SLC25A18: variants seen among roughly 807,000 people sequenced by gnomAD.
SLC25A18 encodes the protein solute carrier family 25 member 18.
Under a neutral mutation model 31.1 loss-of-function variants are expected in SLC25A18, and 24 were observed. The ratio of observed to expected loss-of-function variants is 0.77; its 90% CI spans 0.56 to 1.08. The LOEUF (loss-of-function observed/expected upper bound fraction) is 1.08. Among genes scored for constraint, SLC25A18 ranks in the 50% least tolerant of loss-of-function variants. The probability of loss-of-function intolerance (pLI) is 0.00; values close to 1 mark genes in which losing one functional copy is unlikely to be tolerated. For missense variants in SLC25A18, 371 were observed against 418.5 expected (o/e 0.89, Z 0.99); for synonymous variants, 173 against 161.9 (o/e 1.07, Z -0.52).
intron 7 of SLC25A18, chr22:17,585,306 C>T (rs1013464189): frequency 6.6e-6 from 1 of 152,148 alleles, no homozygotes; most frequent in African/African-American, 2.4e-5. Flanking sequence ...AGGAGAATCA[C>T]TTGAACCCGG....
At position 17,573,739 on chromosome 22, in the gene SLC25A18, C is replaced by T. The variant is rs187928913; in HGVS notation, c.-201+3753C>T. 5.9e-5 allele frequency among the ~76,000 whole-genome samples: 9 copies of T among 152,280 alleles called. No individual in the cohort carries two copies. The South Asian group carries it at 6.2e-4, about 11-fold the overall frequency. ...GCTGAGACAGCTCCATGGTTCTCTG[C>T]GGTTCAGCCCTGGACAGTCACCAAG... is the stretch of plus-strand genomic sequence containing the variant. On this transcript the variant is annotated intron_variant, in intron 2 of 10. Transcript: ENST00000327451.
chr22:17,583,322 C>A, intron 6 of SLC25A18, 94 bp from the exon 7 acceptor site: 1 of 1,514,458 alleles, frequency 6.6e-7, no homozygotes, highest in Non-Finnish European at 9.0e-7. Context: ...GCCACGGGTG[C>A]CATCCAGGGA....
chr22:17,589,583 G>C lies in SLC25A18; in HGVS notation c.731-7G>C. On this transcript the variant is annotated splice_polypyrimidine_tract_variant and splice_region_variant and intron_variant, in intron 9 of 10. Transcript: ENST00000327451. ...TCACTACTTACTTTAACTTTTACTT[G>C]ATTTAGTTCTGAAAACTCGAATCCA... The C allele has an allele frequency of 6.2e-7, 1 of 1,613,778 alleles. No homozygotes were observed.
chr22:17,584,097 A>AT, intron 7 of SLC25A18: 1 of 984,816 alleles, frequency 1.0e-6, no homozygotes, highest in Non-Finnish European at 1.2e-6. Flanking sequence ...TCTCCTAAAG[A>AT]TTTTAAGAAA....
intron 1 of SLC25A18, among the ~76,000 whole-genome samples, chr22:17,564,892 G>A (rs1019617945): frequency 9.7e-5 from 14 of 143,874 alleles, no homozygotes; most frequent in African/African-American, 2.3e-4. Context: ...AACATAATGA[G>A]GCCCCACCTC....
At chr22:17,576,485 T>G (rs976232456) in intron 2 of SLC25A18, among the ~76,000 whole-genome samples, 8 of 152,230 alleles carry the variant, frequency 5.3e-5, no homozygotes, top group Admixed American at 3.9e-4. Flanking sequence ...GCAAATGGCA[T>G]ACAGTAATCA....
Position 17,581,120 on chromosome 22 carries a change from GC to G in SLC25A18, c.106del (p.Leu36CysfsTer13), listed in dbSNP as rs764958262. ...TTCCCCATCGACTTGGCCAAGACTC[GC>G]CTGCAGAACCAGCATGGGAAAGCCA... Reference protein sequence around the residue: ...CVFPIDLAKTRLQNQHGKAMY... With the variant: ...CVFPIDLAKTXLQNQHGKAMY... On this transcript the variant is annotated frameshift_variant, in exon 4 of 11. Coordinates refer to ENST00000327451, the MANE Select transcript of SLC25A18 (RefSeq NM_031481.3). LOFTEE classifies it high-confidence loss of function. 2 of 1,588,838 alleles carry G rather than the reference GC, an allele frequency of 1.3e-6. No homozygotes were observed. Among genetic ancestry groups the G allele is most frequent in the African/African-American group, 2.7e-5 (2 of 74,730 alleles).
At position 17,569,876 on chromosome 22, in the gene SLC25A18, G is replaced by GA. The variant is rs542056082; in HGVS notation, c.-263-44dup. 118 of 985,504 alleles carry GA rather than the reference G, an allele frequency of 1.2e-4. No individual in the cohort carries two copies. The African/African-American group carries it at 1.8e-3, about 15-fold the overall frequency. 61.0% of individuals were successfully genotyped at this position (985,504 alleles called of 1,614,324 possible). A position where few individuals can be genotyped will look rare whatever the true frequency, so the allele number is the denominator to read the frequency against. ...AGGGAGGGAAACTGACCACAGAAGG[G>GA]AAAACCAGTCCAAGCTGGCTGACAC... On this transcript the variant is annotated intron_variant, in intron 1 of 10. Transcript: ENST00000327451.
intron 8 of SLC25A18, among the ~76,000 whole-genome samples, chr22:17,587,541 G>A (rs2057585514): frequency 6.6e-6 from 1 of 152,226 alleles, no homozygotes; most frequent in Non-Finnish European, 1.5e-5. Context: ...AAGGCTGGGT[G>A]TTTTGTGGCC....
chr22:17,579,065 T>TTGTTTGTC (rs2057304068), intron 2 of SLC25A18, among the ~76,000 whole-genome samples: 1 of 3,772 alleles, frequency 2.7e-4, no homozygotes, highest in South Asian at 8.8e-3. Context: ...AGTGGGTTTT[T>TTGTTTGTC]TGTTTGTTTG....
At chr22:17,580,998 C>T (rs2057356040) in intron 3 of SLC25A18, 39 bp from the exon 4 acceptor site, 1 of 1,516,670 alleles carries the variant, frequency 6.6e-7, no homozygotes, top group African/African-American at 1.4e-5. Flanking sequence ...CTGCCCCTCC[C>T]TCTGCCTCTC....
intron 2 of SLC25A18, among the ~76,000 whole-genome samples, chr22:17,576,606 C>T (rs1371876652): frequency 6.6e-6 from 1 of 152,214 alleles, no homozygotes; most frequent in Non-Finnish European, 1.5e-5. Context: ...TGACTCCTTT[C>T]ATACCTTGCC....
Position 17,582,609 on chromosome 22 carries a change from G to A in SLC25A18, c.246G>A (p.Lys82=), listed in dbSNP as rs1490484924. The A allele has an allele frequency of 1.9e-6, 3 of 1,605,458 alleles. No homozygotes were observed. Among genetic ancestry groups the A allele is most frequent in the Non-Finnish European group, 2.6e-6 (3 of 1,175,684 alleles). The part of the protein sequence containing the change: ...LTLVTPEKAI[K]LAANDFFRRL... ...TGGTCACTCCAGAGAAGGCCATCAA[G>A]CTGGCGGCCAACGACTTTTTCCGGC... Residue 82 remains lysine (K), a synonymous_variant, in exon 6 of 11, where the codon AAG becomes AAA. Transcript: ENST00000327451.
At chr22:17,579,633 G>A in intron 2 of SLC25A18, 112 bp from the exon 3 acceptor site, 2 of 848,434 alleles carry the variant, frequency 2.4e-6, no homozygotes, top group Non-Finnish European at 1.5e-6. Context: ...GAATCCCAAA[G>A]TCCAAAAGGT....
At chr22:17,576,990 G>T (rs1163817519) in intron 2 of SLC25A18, among the ~76,000 whole-genome samples, 1 of 152,136 alleles carries the variant, frequency 6.6e-6, no homozygotes, top group Non-Finnish European at 1.5e-5. Context: ...CTCCCAGGTA[G>T]CTGGGATTAT....
intron 1 of SLC25A18, among the ~76,000 whole-genome samples, chr22:17,564,857 C>CAAAAAAA (rs695292): frequency 1.8e-5 from 2 of 112,360 alleles, no homozygotes; most frequent in Non-Finnish European, 1.8e-5. Context: ...ACTCTGTCTC[C>CAAAAAAA]AAAAAAAAAA....
chr22:17,565,360 C>T (rs1000333019), intron 1 of SLC25A18, among the ~76,000 whole-genome samples: 12 of 151,968 alleles, frequency 7.9e-5, no homozygotes, highest in East Asian at 2.0e-4. Context: ...GGATTACAGG[C>T]GTGAGCCACC....
At chr22:17,583,163 G>A (rs569446697) in intron 6 of SLC25A18, among the ~76,000 whole-genome samples, 2 of 152,312 alleles carry the variant, frequency 1.3e-5, no homozygotes, top group African/African-American at 2.4e-5. Flanking sequence ...CAAGGACAAC[G>A]CCTGGTCTGG....
chr22:17,576,332 C>T (rs971126583), intron 2 of SLC25A18, among the ~76,000 whole-genome samples: 2 of 149,966 alleles, frequency 1.3e-5, no homozygotes, highest in Non-Finnish European at 3.0e-5. Flanking sequence ...CCAGCCTGGA[C>T]GACAGAGTGA....
Sources: allele counts gnomAD v4.1 joint callset (sites outside exome capture counted in the v4.1 genomes callset), GRCh38; gene constraint gnomAD v4.1.1; transcripts MANE v1.5; gene names NCBI Gene and HGNC (gene_info 2026-07-23, HGNC 2026-07-21).